Variants in SEMA3A observed in about 807,000 individuals in gnomAD.
The protein encoded by SEMA3A is semaphorin-3A.
SEMA3A carries 29 observed loss-of-function variants against 97.9 expected under a neutral mutation model. The ratio of observed to expected loss-of-function variants is 0.30; its 90% CI spans 0.22 to 0.40. SEMA3A has a LOEUF of 0.40. Among genes scored for constraint, SEMA3A ranks in the 10% least tolerant of loss-of-function variants. SEMA3A has a pLI of 1.00. For missense variants in SEMA3A, 763 were observed against 951.3 expected (o/e 0.80, Z 2.60); for synonymous variants, 321 against 323.7 (o/e 0.99, Z 0.09).
chr7:84,117,570 C>A (rs969988980), intron 3 of SEMA3A, among the ~76,000 whole-genome samples: 1 of 152,154 alleles, frequency 6.6e-6, no homozygotes, highest in Non-Finnish European at 1.5e-5. Flanking sequence ...GCATTAGATT[C>A]TCGTAGGAGC....
chr7:83,963,578 T>C (rs1190339465), intron 15 of SEMA3A, among the ~76,000 whole-genome samples: 2 of 152,194 alleles, frequency 1.3e-5, no homozygotes, highest in African/African-American at 2.4e-5. Flanking sequence ...GAGATTTGTC[T>C]ACCAGAAAAT....
chr7:84,369,834 T>A (rs916585568), intron 2 of SEMA3A, among the ~76,000 whole-genome samples: 1 of 149,028 alleles, frequency 6.7e-6, no homozygotes, highest in Non-Finnish European at 1.5e-5. Flanking sequence ...TTTATATGAA[T>A]GAAAATTAGT....
intron 3 of SEMA3A, among the ~76,000 whole-genome samples, chr7:84,265,467 T>C (rs1001098995): frequency 1.0e-4 from 15 of 147,362 alleles, no homozygotes; most frequent in Admixed American, 3.4e-4. Flanking sequence ...TTATACAAGA[T>C]GAATATATCT....
At chr7:84,408,076 C>G (rs1385294109) in intron 1 of SEMA3A, among the ~76,000 whole-genome samples, 1 of 152,176 alleles carries the variant, frequency 6.6e-6, no homozygotes. Context: ...TTCTGCACAG[C>G]AAAGAAAACC....
chr7:84,173,177 C>T (rs914032080), intron 1 of SEMA3A, among the ~76,000 whole-genome samples: 7 of 152,032 alleles, frequency 4.6e-5, no homozygotes, highest in Non-Finnish European at 8.8e-5. Context: ...CTCTTGTGGG[C>T]CTGTCTTTTG....
chr7:84,125,156 A>C (rs1795752920), intron 3 of SEMA3A, among the ~76,000 whole-genome samples: 1 of 152,160 alleles, frequency 6.6e-6, no homozygotes, highest in African/African-American at 2.4e-5. Context: ...CCAAAGCACA[A>C]ATATTTTATA....
chr7:84,345,358 G>C (rs1038353235), intron 2 of SEMA3A, among the ~76,000 whole-genome samples: 29 of 152,286 alleles, frequency 1.9e-4, no homozygotes, highest in African/African-American at 5.8e-4. Context: ...GGTTGCTAAA[G>C]GTTGAGATGG....
intron 1 of SEMA3A, among the ~76,000 whole-genome samples, chr7:84,160,225 CTATCTAT>C (rs1796984922): frequency 4.3e-3 from 1 of 230 alleles, no homozygotes; most frequent in Admixed American, 0.033. Context: ...ATCAATCTGT[CTATCTAT>C]CTATCTATCT....
At chr7:84,177,940 T>C (rs1463746110) in intron 1 of SEMA3A, among the ~76,000 whole-genome samples, 1 of 152,142 alleles carries the variant, frequency 6.6e-6, no homozygotes, top group Non-Finnish European at 1.5e-5. Flanking sequence ...TCCTAATGTA[T>C]ACATATTGGC....
intron 2 of SEMA3A, among the ~76,000 whole-genome samples, chr7:84,343,938 T>C (rs1168492446): frequency 1.3e-5 from 2 of 151,782 alleles, no homozygotes; most frequent in Non-Finnish European, 2.9e-5. Context: ...CCCAGGAGAC[T>C]GAGGCTTTGC....
intron 3 of SEMA3A, among the ~76,000 whole-genome samples, chr7:84,126,286 A>C (rs998847721): frequency 6.6e-6 from 1 of 152,048 alleles, no homozygotes; most frequent in Non-Finnish European, 1.5e-5. Flanking sequence ...GCTCACTGAA[A>C]CCTGCACCTC....
chr7:84,169,815 C>G (rs2116198665), intron 1 of SEMA3A, among the ~76,000 whole-genome samples: 1 of 151,794 alleles, frequency 6.6e-6, no homozygotes. Flanking sequence ...AAAAATAAGA[C>G]ACTATTTGTT....
chr7:84,271,342 T>C (rs1306156144), intron 3 of SEMA3A, among the ~76,000 whole-genome samples: 1 of 151,974 alleles, frequency 6.6e-6, no homozygotes, highest in Non-Finnish European at 1.5e-5. Flanking sequence ...TGTGTTCCAC[T>C]ACACCCAACT....
At position 84,060,506 on chromosome 7, in the gene SEMA3A, C is replaced by A. The variant is rs746633015; in HGVS notation, c.506G>T (p.Ser169Ile). Residue 169 changes from serine to isoleucine, a missense_variant, in exon 5 of 17, where the codon AGT becomes ATT. Physicochemically the swap from Ser to Ile is moderately radical, Grantham distance 142. Around this residue, in one of 2 missense-constraint regions of SEMA3A, gnomAD observed 678 missense variants for 881.3 expected, o/e 0.77. Transcript: ENST00000265362. ...NSHFENGRGK[S>I]PYDPKLLTAS... is the part of the protein sequence containing the mutation. Reference sequence around the variant, plus strand: ...TGTCAGCAGCTTAGGGTCATATGGACTCTTCCCACGGCCGTTTTCAAAATG... The same window carrying A: ...TGTCAGCAGCTTAGGGTCATATGGAATCTTCCCACGGCCGTTTTCAAAATG... The A allele has an allele frequency of 9.4e-6, 15 of 1,596,000 alleles. No homozygotes were observed. The South Asian group carries it at 1.7e-4, about 18-fold the overall frequency.
chr7:84,246,391 G>A (rs148378140), intron 3 of SEMA3A, among the ~76,000 whole-genome samples: 4 of 152,136 alleles, frequency 2.6e-5, no homozygotes, highest in East Asian at 3.9e-4. Context: ...TTAAACTTAC[G>A]TATGTCAAAA....
chr7:84,086,664 TATATATGTATATATATGGA>T (rs909471852), intron 4 of SEMA3A, among the ~76,000 whole-genome samples: 101 of 146,652 alleles, frequency 6.9e-4, no homozygotes, highest in African/African-American at 2.1e-3. Context: ...GCACAACTCA[TATATATGTATATATATGGA>T]ATATATGTAT....
At chr7:84,095,358 CATATATATATATATAT>C (rs200107086) in intron 4 of SEMA3A, among the ~76,000 whole-genome samples, 2 of 122,904 alleles carry the variant, frequency 1.6e-5, no homozygotes, top group African/African-American at 6.9e-5. Flanking sequence ...TTTTTATATA[CATATATATATATATAT>C]ATATATATAT....
At chr7:84,447,627 A>T (rs1486364196) in intron 1 of SEMA3A, among the ~76,000 whole-genome samples, 2 of 152,260 alleles carry the variant, frequency 1.3e-5, no homozygotes, top group East Asian at 3.9e-4. Context: ...GAAAGGAGCT[A>T]CCCACTTCGG....
intron 6 of SEMA3A, among the ~76,000 whole-genome samples, chr7:84,040,023 C>G (rs557938498): frequency 6.6e-6 from 1 of 151,918 alleles, no homozygotes; most frequent in East Asian, 1.9e-4. Flanking sequence ...ATTTTATCAA[C>G]ATGGAAAGGC....
Sources: allele counts gnomAD v4.1 joint callset (sites outside exome capture counted in the v4.1 genomes callset), GRCh38; gene constraint gnomAD v4.1.1; regional missense constraint gnomAD v4.1.1; transcripts MANE v1.5; gene names NCBI Gene and HGNC (gene_info 2026-07-23, HGNC 2026-07-21).